CTNNA3: variants seen among roughly 807,000 people sequenced by gnomAD.
The protein encoded by CTNNA3 is catenin alpha 3, also known as catenin alpha-3.
Under a neutral mutation model 95.7 loss-of-function variants are expected in CTNNA3, and 76 were observed. The observed-to-expected ratio is 0.79, with a 90% confidence interval of 0.66 to 0.96. CTNNA3 has a LOEUF of 0.96. Ranked by LOEUF, CTNNA3 falls within the 40% of genes least tolerant of loss-of-function variation. CTNNA3 has a pLI of 0.00. For missense variants in CTNNA3, 1,191 were observed against 1,089.8 expected, an observed-to-expected ratio of 1.09 and a Z score of -1.31; for synonymous variants, 431 against 374.4, an observed-to-expected ratio of 1.15 and a Z score of -1.74.
intron 12 of CTNNA3, among the ~76,000 whole-genome samples, chr10:66,285,986 GTATT>G (rs1277192062): frequency 6.6e-6 from 1 of 151,926 alleles, no homozygotes; most frequent in Non-Finnish European, 1.5e-5. Flanking sequence ...ATACTAAAAT[GTATT>G]TATCCAGTCT....
intron 5 of CTNNA3, among the ~76,000 whole-genome samples, chr10:67,445,290 G>C (rs1172726755): frequency 6.6e-6 from 1 of 150,448 alleles, no homozygotes; most frequent in Non-Finnish European, 1.5e-5. Context: ...AAAACAACCA[G>C]AAAACAAATA....
At chr10:67,562,039 C>A (rs1365517043) in intron 3 of CTNNA3, among the ~76,000 whole-genome samples, 11 of 152,172 alleles carry the variant, frequency 7.2e-5, no homozygotes, top group Non-Finnish European at 1.6e-4. Context: ...GATGGATTCA[C>A]AGCCAAATTC....
chr10:67,379,645 C>A (rs1392634030), intron 5 of CTNNA3, among the ~76,000 whole-genome samples: 3 of 152,118 alleles, frequency 2.0e-5, no homozygotes, highest in Non-Finnish European at 4.4e-5. Context: ...ACACTTAATA[C>A]AAGCCATCTG....
chr10:66,216,663 AGTCT>A lies in CTNNA3; in HGVS notation c.1884+63803_1884+63806del, dbSNP rs530801546. On this transcript the variant is annotated intron_variant, in intron 13 of 17. Transcript: ENST00000433211. ...GGTAACAGAGTTGGGATGTAAACAC[AGTCT>A]GTCTGACTTGAGGAGCCATTTTTTA... Among the ~76,000 whole-genome samples the A allele has an allele frequency of 4.5e-3, 679 of 152,344 alleles. 2 individuals carry two copies. Among genetic ancestry groups the A allele is most frequent in the Non-Finnish European group, 7.4e-3 (502 of 68,030 alleles).
At chr10:67,293,305 C>T (rs1444760130) in intron 5 of CTNNA3, among the ~76,000 whole-genome samples, 1 of 152,146 alleles carries the variant, frequency 6.6e-6, no homozygotes, top group Non-Finnish European at 1.5e-5. Flanking sequence ...TAAAAATCAG[C>T]TTAAATTGTG....
chr10:66,265,836 T>C (rs1418672583), intron 13 of CTNNA3, among the ~76,000 whole-genome samples: 3 of 152,030 alleles, frequency 2.0e-5, no homozygotes, highest in Non-Finnish European at 2.9e-5. Flanking sequence ...ATAACTACTT[T>C]ATCCATATCT....
chr10:65,982,286 A>G (rs1343348166), intron 16 of CTNNA3, among the ~76,000 whole-genome samples: 1 of 151,902 alleles, frequency 6.6e-6, no homozygotes, highest in Non-Finnish European at 1.5e-5. Flanking sequence ...GCAAATCAAA[A>G]CCACAACGAG....
At chr10:65,951,920 C>T (rs2077622736) in intron 17 of CTNNA3, among the ~76,000 whole-genome samples, 1 of 150,284 alleles carries the variant, frequency 6.7e-6, no homozygotes, top group Non-Finnish European at 1.5e-5. Context: ...GTCCCAGCTA[C>T]TTAGGAGGCT....
chr10:67,069,715 A>T, intron 7 of CTNNA3, among the ~76,000 whole-genome samples: 1 of 152,096 alleles, frequency 6.6e-6, no homozygotes, highest in Non-Finnish European at 1.5e-5. Context: ...CTCACTCAAC[A>T]TTATGTTTAT....
chr10:66,080,280 A>G (rs1485971736), intron 14 of CTNNA3, among the ~76,000 whole-genome samples: 1 of 152,052 alleles, frequency 6.6e-6, no homozygotes, highest in Non-Finnish European at 1.5e-5. Flanking sequence ...TTACTCCATT[A>G]TAGTAACCCA....
intron 11 of CTNNA3, among the ~76,000 whole-genome samples, chr10:66,381,637 T>G (rs1272464941): frequency 6.6e-6 from 1 of 152,176 alleles, no homozygotes; most frequent in Non-Finnish European, 1.5e-5. Context: ...AGTGAACACA[T>G]ATCTGTTATC....
intron 1 of CTNNA3, among the ~76,000 whole-genome samples, chr10:67,701,554 A>C (rs900630175): frequency 1.3e-5 from 2 of 152,180 alleles, no homozygotes; most frequent in African/African-American, 4.8e-5. Context: ...GAAATAAAAT[A>C]CTTTACAGAC....
intron 8 of CTNNA3, among the ~76,000 whole-genome samples, chr10:66,773,648 A>C (rs1292979527): frequency 6.6e-6 from 1 of 152,190 alleles, no homozygotes; most frequent in Non-Finnish European, 1.5e-5. Flanking sequence ...GTGAGATGCA[A>C]ATATCGTTGC....
At chr10:66,459,682 T>C (rs1052233769) in intron 11 of CTNNA3, among the ~76,000 whole-genome samples, 1 of 152,204 alleles carries the variant, frequency 6.6e-6, no homozygotes, top group African/African-American at 2.4e-5. Context: ...AGCCTGTTGC[T>C]TCTAGGCTAA....
At chr10:66,819,228 A>G (rs543615865) in intron 7 of CTNNA3, among the ~76,000 whole-genome samples, 1 of 152,272 alleles carries the variant, frequency 6.6e-6, no homozygotes, top group East Asian at 1.9e-4. Context: ...GTACCAAGAT[A>G]ATTCAAATGT....
At chr10:66,523,690 A>G (rs1841149844) in intron 10 of CTNNA3, among the ~76,000 whole-genome samples, 1 of 152,108 alleles carries the variant, frequency 6.6e-6, no homozygotes, top group Non-Finnish European at 1.5e-5. Context: ...CTAGTCTGTC[A>G]GTTTACCTTT....
chr10:66,594,741 G>A (rs1210542057), intron 10 of CTNNA3, among the ~76,000 whole-genome samples: 1 of 152,080 alleles, frequency 6.6e-6, no homozygotes, highest in Admixed American at 6.5e-5. Context: ...GTAGCATGTA[G>A]TATGGTAGGC....
intron 9 of CTNNA3, among the ~76,000 whole-genome samples, chr10:66,715,671 C>A (rs1848427795): frequency 1.3e-5 from 2 of 152,010 alleles, no homozygotes; most frequent in Non-Finnish European, 2.9e-5. Flanking sequence ...CATACCTGGG[C>A]ATTCTCTTGA....
In CTNNA3 at chr10:66,570,275, ATTTGT is replaced by A. The variant is rs59062164; in HGVS notation, c.1375-49507_1375-49503del. Among the ~76,000 whole-genome samples the A allele has an allele frequency of 3.9e-3, 585 of 151,126 alleles. 4 individuals are homozygous for A. The highest frequency in any genetic ancestry group is 7.3e-3 in the African/African-American group (301 of 41,250). ...TTTCCTTATACCTTTCAAAAATATG[ATTTGT>A]TTTGTTTTGTTTTGTTTTGTTTTGT... On this transcript the variant is annotated intron_variant, in intron 10 of 17. Coordinates refer to ENST00000433211, the MANE Select transcript of CTNNA3 (RefSeq NM_013266.4).
Sources: gnomAD v4.1 joint callset for allele counts (sites outside exome capture counted in the v4.1 genomes callset) on GRCh38, gnomAD v4.1.1 for gene constraint, MANE v1.5 for transcripts, NCBI Gene and HGNC (gene_info 2026-07-23, HGNC 2026-07-21) for gene names.